The following INSRR variants were observed in gnomAD, a reference collection of about 807,000 sequenced individuals.
INSRR encodes insulin receptor-related protein.
Under a neutral mutation model 130.0 loss-of-function variants are expected in INSRR, and 114 were observed. The observed-to-expected ratio is 0.88, with a 90% CI of 0.75 to 1.02. The LOEUF (loss-of-function observed/expected upper bound fraction) is 1.02, where lower values mean the gene tolerates loss of function less well. Among genes scored for constraint, INSRR ranks in the 50% least tolerant of loss-of-function variants. The pLI, the probability that INSRR is intolerant of heterozygous loss-of-function variation, is 0.00. For missense variants in INSRR, 1,657 were observed against 1,735.2 expected, an observed-to-expected ratio of 0.95 and a Z score of 0.80; for synonymous variants, 674 against 705.2, an observed-to-expected ratio of 0.96 and a Z score of 0.70.
At chr1:156,843,500 G>T (rs1209533420) in intron 15 of INSRR, 21 bp from the exon 16 acceptor site, 2 of 1,613,630 alleles carry the variant, frequency 1.2e-6, no homozygotes, top group African/African-American at 2.7e-5. Flanking sequence ...AGGTGAGGGG[G>T]TCAGGCTGGA....
rs550996068 is a variant in INSRR, at chr1:156,845,716, G to A, written c.2077C>T (p.Pro693Ser). Residue 693 changes from proline to serine, a missense_variant, in exon 10 of 22, where the codon CCA (proline) becomes TCA (serine). Coordinates refer to ENST00000368195, the MANE Select transcript of INSRR (RefSeq NM_014215.3). Reference sequence around the variant, plus strand: ...GGGGGCAGAACCTGACCAGGAGGTGGGTGCTGGCAAGGGCAGCAGTCGGAC... The same window carrying A: ...GGGGGCAGAACCTGACCAGGAGGTGAGTGCTGGCAAGGGCAGCAGTCGGAC... ...MESDCCPCQH[P>S]PPGQVLPPLE... 8.1e-6 allele frequency: 13 copies of A among 1,613,650 alleles called. No homozygotes were observed. The Admixed American group carries it at 1.3e-4, about 17-fold the overall frequency.
chr1:156,851,335 A>T lies in INSRR; in HGVS notation c.1184T>A (p.Phe395Tyr), dbSNP rs754949635. ...KHSFALVSLG[F>Y]FKNLKLIRGD... ...CCGGATTAGTTTGAGGTTCTTGAAA[A>T]AGCCCAGGGACACGAGGGCAAAGGA... is the stretch of plus-strand genomic sequence containing the variant. The change falls in exon 5 of 22, where the codon TTT becomes TAT. Residue 395 changes from phenylalanine to tyrosine, a missense_variant. Physicochemically the swap from Phe to Tyr is conservative, Grantham distance 22. Coordinates refer to ENST00000368195, the MANE Select transcript of INSRR (RefSeq NM_014215.3). 6.2e-7 allele frequency: 1 copy of T among 1,614,172 alleles called. No individual in the cohort carries two copies. The highest frequency in any genetic ancestry group is 8.5e-7 in the Non-Finnish European group (1 of 1,180,032).
At position 156,846,669 on chromosome 1, in the gene INSRR, G is replaced by A. The variant is rs56068937; in HGVS notation, c.1660C>T (p.Arg554Cys). 2.0e-3 allele frequency: 3,173 copies of A among 1,614,180 alleles called. 3 individuals carry two copies. The highest frequency in any genetic ancestry group is 2.3e-3 in the Non-Finnish European group (2,715 of 1,180,034). ...AGGGTCACCCCTGGCTCCTGGGTGC[G>A]GCTTAGGGGCAGCTCCACATCCAGC... Reference protein sequence around the residue: ...NLLDVELPLSRTQEPGVTLAS... With the variant: ...NLLDVELPLSCTQEPGVTLAS... Residue 554 changes from arginine (R) to cysteine (C), a missense_variant, in exon 8 of 22, where the codon CGC becomes TGC. Coordinates refer to ENST00000368195, the MANE Select transcript of INSRR (RefSeq NM_014215.3).
Position 156,841,468 on chromosome 1 carries a change from C to T in INSRR, c.3588G>A (p.Leu1196=). 1.2e-6 allele frequency: 2 copies of T among 1,614,002 alleles called. No individual in the cohort carries two copies. Among genetic ancestry groups the T allele is most frequent in the South Asian group, 2.2e-5 (2 of 91,076 alleles). The change falls in exon 21 of 22, where the codon CTG becomes CTA. Residue 1196 remains leucine, a synonymous_variant. Transcript: ENST00000368195. ...VTLAEQPYQG[L]SNEQVLKFVM... Reference sequence around the variant, plus strand: ...CGAACTTCAGCACCTGCTCATTGGACAGGCCCTGGTAGGGTTGTTCTGCCA... The same window carrying T: ...CGAACTTCAGCACCTGCTCATTGGATAGGCCCTGGTAGGGTTGTTCTGCCA...
chr1:156,857,913 A>T (rs1023052563), intron 1 of INSRR, among the ~76,000 whole-genome samples: 3 of 152,060 alleles, frequency 2.0e-5, no homozygotes, highest in African/African-American at 4.8e-5. Context: ...TAGTCTATAT[A>T]GTCCCCCCAC....
intron 9 of INSRR, 23 bp from the exon 10 acceptor site, chr1:156,845,837 C>G: frequency 6.2e-7 from 1 of 1,608,436 alleles, no homozygotes; most frequent in Non-Finnish European, 8.5e-7. Flanking sequence ...CGGGAAGACA[C>G]TAGTAAGACA....
Position 156,845,735 on chromosome 1 carries a change from G to T in INSRR, c.2058C>A (p.Asp686Glu), listed in dbSNP as rs1190731102. The T allele has an allele frequency of 6.2e-7, 1 of 1,613,834 alleles. No homozygotes were observed. The highest frequency in any genetic ancestry group is 8.5e-7 in the Non-Finnish European group (1 of 1,179,976). Residue 686 changes from aspartate (D) to glutamate (E), a missense_variant, in exon 10 of 22, where the codon GAC becomes GAA. By Grantham distance (45) the Asp-to-Glu change is conservative (BLOSUM62 2). Transcript: ENST00000368195. The part of the protein sequence containing the change: ...DGDPEAEMES[D>E]CCPCQHPPPG... ...GAGGTGGGTGCTGGCAAGGGCAGCA[G>T]TCGGACTCCATCTCGGCCTCAGGAT...
intron 5 of INSRR, among the ~76,000 whole-genome samples, chr1:156,849,721 C>T (rs61391018): frequency 0.017 from 2,594 of 152,214 alleles, 80 homozygotes; most frequent in African/African-American, 0.06. Flanking sequence ...CTGCCCCCAT[C>T]CTTCCCTCGA....
rs1032350478 is a variant in INSRR at position 156,851,689 on chromosome 1, G to T, written c.1041C>A (p.Cys347Ter). ...GGATGAGGCTTCCCTCCACATGCGT[G>T]CAGCCCACAAGATCCTGTGCCGCCT... Reference protein sequence around the residue: ...SIQAAQDLVGCTHVEGSLILN... With the variant: ...SIQAAQDLVG Residue 347 changes from cysteine to a stop codon, truncating the protein, a stop_gained, in exon 4 of 22, where the codon TGC becomes TGA. Coordinates refer to ENST00000368195, the MANE Select transcript of INSRR (RefSeq NM_014215.3). LOFTEE classifies it high-confidence loss of function. 1.9e-6 allele frequency: 3 copies of T among 1,614,066 alleles called. No individual in the cohort carries two copies. Among genetic ancestry groups the T allele is most frequent in the Non-Finnish European group, 2.5e-6 (3 of 1,180,008 alleles).
At chr1:156,845,596 C>T in intron 10 of INSRR, 23 bp downstream of exon 10, 1 of 1,585,324 alleles carries the variant, frequency 6.3e-7, no homozygotes, top group South Asian at 1.1e-5. Flanking sequence ...CAGACCCTCC[C>T]AGGCCGCGCG....
intron 2 of INSRR, among the ~76,000 whole-genome samples, chr1:156,853,539 G>A (rs576504055): frequency 6.6e-6 from 1 of 152,242 alleles, no homozygotes; most frequent in South Asian, 2.1e-4. Flanking sequence ...CCTATTCCAT[G>A]ATGCCGCCTT....
At chr1:156,845,465 C>T (rs761485061) in intron 10 of INSRR, 52 bp from the exon 11 acceptor site, 5 of 1,520,636 alleles carry the variant, frequency 3.3e-6, no homozygotes, top group Non-Finnish European at 4.4e-6. Context: ...CACCCCTGTG[C>T]CCTCTGCAGC....
chr1:156,846,333 C>G (rs1463801933), intron 8 of INSRR, among the ~76,000 whole-genome samples, 186 bp downstream of exon 8: 1 of 152,138 alleles, frequency 6.6e-6, no homozygotes, highest in African/African-American at 2.4e-5. Flanking sequence ...CCCGGACTGT[C>G]CCAATCCCAG....
Position 156,844,818 on chromosome 1 carries a change from C to G in INSRR, c.2463G>C (p.Lys821Asn). 6.2e-7 allele frequency: 1 copy of G among 1,614,094 alleles called. No individual in the cohort carries two copies. The change falls in exon 13 of 22, where the codon AAG becomes AAC. Residue 821 changes from lysine to asparagine, a missense_variant. Coordinates refer to ENST00000368195, the MANE Select transcript of INSRR (RefSeq NM_014215.3). ...PHREADGIPG[K>N]VAWEASSKNS... ...TCTTGCTGGAGGCCTCCCAGGCCACCTTTCCTGGAATACCATCAGCCTCTC... is the reference window on the plus strand; with the variant it reads ...TCTTGCTGGAGGCCTCCCAGGCCACGTTTCCTGGAATACCATCAGCCTCTC...
rs201243410 is a variant in INSRR, at chr1:156,844,483, C to T, written c.2716G>A (p.Ala906Thr). ...AGNGSWTDSV[A>T]FYILGPEEED... ...ATACCTGGGCCAAGGATGTAGAAGG[C>T]AACACTGTCTGTCCAAGAGCCATTG... The change falls in exon 14 of 22, where the codon GCC becomes ACC. Residue 906 changes from alanine (A) to threonine (T), a missense_variant. Ala to Thr is a moderately conservative substitution (Grantham distance 58). Transcript: ENST00000368195. The T allele has an allele frequency of 3.1e-6, 5 of 1,613,980 alleles. No homozygotes were observed. The highest frequency in any genetic ancestry group is 4.2e-6 in the Non-Finnish European group (5 of 1,179,944).
At position 156,846,678 on chromosome 1, in the gene INSRR, G is replaced by T; in HGVS notation, c.1651C>A (p.Pro551Thr). 1 of 1,614,196 alleles carries T rather than the reference G, an allele frequency of 6.2e-7. No individual in the cohort carries two copies. Among genetic ancestry groups the T allele is most frequent in the Non-Finnish European group, 8.5e-7 (1 of 1,180,050 alleles). Residue 551 changes from proline (P) to threonine (T), a missense_variant, in exon 8 of 22, where the codon CCC (proline) becomes ACC (threonine). By Grantham distance (38) the Pro-to-Thr change is conservative. Coordinates refer to ENST00000368195, the MANE Select transcript of INSRR (RefSeq NM_014215.3). Reference sequence around the variant, plus strand: ...CCTGGCTCCTGGGTGCGGCTTAGGGGCAGCTCCACATCCAGCAGGTTCCAG... The same window carrying T: ...CCTGGCTCCTGGGTGCGGCTTAGGGTCAGCTCCACATCCAGCAGGTTCCAG... Reference protein sequence around the residue: ...QSWNLLDVELPLSRTQEPGVT... With the variant: ...QSWNLLDVELTLSRTQEPGVT...
At chr1:156,852,613 G>A (rs941607975) in intron 2 of INSRR, among the ~76,000 whole-genome samples, 27 of 152,196 alleles carry the variant, frequency 1.8e-4, no homozygotes, top group Admixed American at 9.8e-4. Flanking sequence ...GACATCTGTC[G>A]TTTTACCCAT....
chr1:156,849,071 C>T, intron 6 of INSRR, 24 bp from the exon 7 acceptor site: 1 of 1,605,020 alleles, frequency 6.2e-7, no homozygotes, highest in Non-Finnish European at 8.5e-7. Context: ...GGGGCCTGCT[C>T]GCAACCGCGC....
intron 10 of INSRR, 63 bp from the exon 11 acceptor site, chr1:156,845,476 G>T: frequency 6.6e-7 from 1 of 1,515,048 alleles, no homozygotes; most frequent in Non-Finnish European, 8.8e-7. Context: ...CCTCTGCAGC[G>T]CGTACCGCCT....
Sources: gnomAD v4.1 joint callset for allele counts (sites outside exome capture counted in the v4.1 genomes callset) on GRCh38, gnomAD v4.1.1 for gene constraint, MANE v1.5 for transcripts, NCBI Gene and HGNC (gene_info 2026-07-23, HGNC 2026-07-21) for gene names.